Variants in RNF145 observed in about 807,000 individuals in gnomAD.
RNF145 encodes ring finger protein 145.
A neutral mutation model predicts 57.3 loss-of-function variants in RNF145; 12 were observed. The ratio of observed to expected loss-of-function variants is 0.21; its 90% CI spans 0.13 to 0.34. The LOEUF (loss-of-function observed/expected upper bound fraction) is 0.34. Ranked by LOEUF, RNF145 falls within the 10% of genes least tolerant of loss-of-function variation. The probability of loss-of-function intolerance (pLI) is 1.00; values close to 1 mark genes in which losing one functional copy is unlikely to be tolerated. For missense variants in RNF145, 429 were observed against 799.0 expected (o/e 0.54, Z 5.58); for synonymous variants, 262 against 288.3 (o/e 0.91, Z 0.92).
chr5:159,166,196 C>T lies in RNF145; in HGVS notation c.1121+2677G>A, dbSNP rs571583273. Among the ~76,000 whole-genome samples, 68 of 152,238 alleles carry T rather than the reference C, an allele frequency of 4.5e-4. 3 individuals are homozygous for T. Among genetic ancestry groups the T allele is most frequent in the African/African-American group, 1.5e-3 (62 of 41,560 alleles). On this transcript the variant is annotated intron_variant, in intron 8 of 10. Transcript: ENST00000424310. ...CCTTATCATGAATGATGCTGAACTT[C>T]TCTTCATGTTTGCATTTTTCTCTTT...
At chr5:159,179,879 T>A (rs966472027) in intron 4 of RNF145, among the ~76,000 whole-genome samples, 1 of 152,126 alleles carries the variant, frequency 6.6e-6, no homozygotes, top group Non-Finnish European at 1.5e-5. Flanking sequence ...CTGTCTCAAT[T>A]TAATAATAAC....
intron 4 of RNF145, among the ~76,000 whole-genome samples, chr5:159,177,882 A>G (rs569373486): frequency 1.3e-5 from 2 of 152,046 alleles, no homozygotes; most frequent in African/African-American, 4.8e-5. Context: ...AACATTATCA[A>G]TAAGTATATG....
chr5:159,208,972 A>G (rs1786004946), intron 1 of RNF145, among the ~76,000 whole-genome samples: 1 of 151,326 alleles, frequency 6.6e-6, no homozygotes, highest in African/African-American at 2.4e-5. Context: ...CGCGGGGCCC[A>G]GGAGGGGAGA....
intron 4 of RNF145, among the ~76,000 whole-genome samples, chr5:159,179,977 T>C (rs1784835991): frequency 1.3e-5 from 2 of 152,242 alleles, no homozygotes; most frequent in South Asian, 4.1e-4. Flanking sequence ...TTTACCTTTA[T>C]GCTTTAAGAT....
chr5:159,165,719 AAAAAAAAAAAAAAAT>A (rs2113095392), intron 8 of RNF145, among the ~76,000 whole-genome samples: 4 of 7,234 alleles, frequency 5.5e-4, no homozygotes, highest in Admixed American at 3.8e-3. Flanking sequence ...AAAAAAAAAA[AAAAAAAAAAAAAAAT>A]AATAATATCC....
At chr5:159,179,290 C>T (rs1258856854) in intron 4 of RNF145, among the ~76,000 whole-genome samples, 1 of 151,998 alleles carries the variant, frequency 6.6e-6, no homozygotes, top group Non-Finnish European at 1.5e-5. Flanking sequence ...CCCTGAAGTT[C>T]CAAAAGAATA....
At chr5:159,178,398 T>C (rs1422630578) in intron 4 of RNF145, among the ~76,000 whole-genome samples, 1 of 151,992 alleles carries the variant, frequency 6.6e-6, no homozygotes, top group Non-Finnish European at 1.5e-5. Context: ...TTGTTACTTT[T>C]TGTTTTCAGT....
intron 4 of RNF145, among the ~76,000 whole-genome samples, chr5:159,179,243 T>A (rs1784804725): frequency 1.3e-5 from 2 of 152,018 alleles, no homozygotes; most frequent in South Asian, 4.1e-4. Context: ...CCTGCTGACG[T>A]AAAAGAAGGA....
chr5:159,160,340 A>G (rs530770588), intron 10 of RNF145, among the ~76,000 whole-genome samples: 1 of 152,342 alleles, frequency 6.6e-6, no homozygotes, highest in South Asian at 2.1e-4. Context: ...ATCAAAATAA[A>G]AAATTGATAG....
chr5:159,192,537 A>AC (rs1434045839), intron 3 of RNF145, among the ~76,000 whole-genome samples: 9 of 152,342 alleles, frequency 5.9e-5, no homozygotes, highest in African/African-American at 1.9e-4. Flanking sequence ...TACATAAAAT[A>AC]CCATGTAAAA....
In RNF145 at chr5:159,207,587, C is replaced by A. The variant is rs1369704444; in HGVS notation, c.-40+1644G>T. On this transcript the variant is annotated intron_variant, in intron 1 of 10. Transcript: ENST00000424310. Reference sequence around the variant, plus strand: ...CTGTCCATCGGTTAGGATGGTAGGCCTCACTGAAAATGTTAAGAGCACAAA... The same window carrying A: ...CTGTCCATCGGTTAGGATGGTAGGCATCACTGAAAATGTTAAGAGCACAAA... The A allele has an allele frequency of 3.1e-5, 49 of 1,593,294 alleles. No individual in the cohort carries two copies. In the East Asian group the frequency reaches 1.1e-3, roughly 36 times the overall value.
chr5:159,178,666 T>C (rs1784788619), intron 4 of RNF145, among the ~76,000 whole-genome samples: 1 of 152,048 alleles, frequency 6.6e-6, no homozygotes. Context: ...AATCTAACAT[T>C]ATGCTCCAAG....
intron 8 of RNF145, among the ~76,000 whole-genome samples, chr5:159,163,462 C>T (rs549332757): frequency 2.0e-5 from 3 of 152,160 alleles, no homozygotes; most frequent in Non-Finnish European, 4.4e-5. Flanking sequence ...TTATGACACC[C>T]TCTTCCCACT....
intron 9 of RNF145, among the ~76,000 whole-genome samples, chr5:159,162,420 A>ATTTTTT (rs1188848279): frequency 7.5e-5 from 9 of 120,010 alleles, no homozygotes; most frequent in African/African-American, 1.1e-4. Flanking sequence ...TTTATGTAAT[A>ATTTTTT]TTTTCTTTTT....
chr5:159,167,773 G>C (rs1006531229), intron 8 of RNF145, among the ~76,000 whole-genome samples: 3 of 152,136 alleles, frequency 2.0e-5, no homozygotes, highest in Non-Finnish European at 2.9e-5. Context: ...CTAATAGTTT[G>C]AGCTTATTTA....
chr5:159,159,015 G>T lies in RNF145; in HGVS notation c.1647C>A (p.Ile549=). 1 of 1,613,260 alleles carries T rather than the reference G, an allele frequency of 6.2e-7. No individual in the cohort carries two copies. Among genetic ancestry groups the T allele is most frequent in the South Asian group, 1.1e-5 (1 of 91,042 alleles). The change falls in exon 11 of 11, where the codon ATC becomes ATA. Residue 549 remains isoleucine (I), a synonymous_variant. Coordinates refer to ENST00000424310, the MANE Select transcript of RNF145 (RefSeq NM_001199383.2). ...CATGGAAAAAATGACTGCAAGGCGT[G>T]ATCACAGCAGATTTCATGTCCTAAA... ...ICYQDMKSAV[I]TPCSHFFHAG...
intron 10 of RNF145, among the ~76,000 whole-genome samples, chr5:159,160,341 A>C (rs1007691893): frequency 4.6e-5 from 7 of 152,234 alleles, no homozygotes; most frequent in Admixed American, 1.3e-4. Context: ...TCAAAATAAA[A>C]AATTGATAGC....
At chr5:159,174,224 G>T in intron 5 of RNF145, 66 bp from the exon 6 acceptor site, 1 of 1,074,482 alleles carries the variant, frequency 9.3e-7, no homozygotes, top group Non-Finnish European at 1.3e-6. Context: ...AAACACTTGA[G>T]TCAAATCAGA....
intron 5 of RNF145, among the ~76,000 whole-genome samples, chr5:159,174,515 T>A (rs1425686181): frequency 6.6e-6 from 1 of 152,084 alleles, no homozygotes; most frequent in Non-Finnish European, 1.5e-5. Context: ...AGGACTAGCA[T>A]GAATTGATAC....
Sources: gnomAD v4.1 joint callset for allele counts (sites outside exome capture counted in the v4.1 genomes callset) on GRCh38, gnomAD v4.1.1 for gene constraint, MANE v1.5 for transcripts, NCBI Gene and HGNC (gene_info 2026-07-23, HGNC 2026-07-21) for gene names.